The following NCOR2 variants were observed in gnomAD, a reference collection of about 807,000 sequenced individuals.
NCOR2 encodes nuclear receptor corepressor 2.
In NCOR2, 81 loss-of-function variants were observed where a neutral mutation model predicts 262.9. The ratio of observed to expected loss-of-function variants is 0.31; its 90% confidence interval spans 0.26 to 0.37. NCOR2 has a LOEUF of 0.37. NCOR2 is among the 10% of genes least tolerant of loss of function. NCOR2 has a pLI of 1.00. For missense variants in NCOR2, 3,385 were observed against 3,621.4 expected (o/e 0.93, Z 1.68); for synonymous variants, 1,659 against 1,559.3 (o/e 1.06, Z -1.51).
intron 16 of NCOR2, among the ~76,000 whole-genome samples, 199 bp from the exon 19 acceptor site, chr12:124,386,086 C>G (rs2040782873): frequency 6.6e-6 from 1 of 152,156 alleles, no homozygotes; most frequent in Admixed American, 6.5e-5. Flanking sequence ...GGTGGCAGTC[C>G]TGGCCTCTGG....
chr12:124,520,622 TGACTTAATGAA>T (rs2050131332), intron 1 of NCOR2, among the ~76,000 whole-genome samples: 1 of 152,088 alleles, frequency 6.6e-6, no homozygotes, highest in Admixed American at 6.5e-5. Context: ...GTTTGTTGAG[TGACTTAATGAA>T]GACCACAAAT....
chr12:124,352,967 C>T (rs1026090652), intron 27 of NCOR2, among the ~76,000 whole-genome samples: 1 of 152,240 alleles, frequency 6.6e-6, no homozygotes, highest in African/African-American at 2.4e-5. Flanking sequence ...ATGGCACCTA[C>T]TCAGTTAATA....
exon 17 of NCOR2, chr12:124,385,845 A>G (rs751520375): frequency 1.9e-6 from 3 of 1,613,678 alleles, no homozygotes; most frequent in Admixed American, 1.7e-5. Context: ...GGAGCCCACC[A>G]TCCGGGCGAT....
intron 12 of NCOR2, among the ~76,000 whole-genome samples, chr12:124,421,674 G>A (rs1224441835): frequency 6.6e-6 from 1 of 152,236 alleles, no homozygotes; most frequent in East Asian, 1.9e-4. Context: ...CCCCATCTCT[G>A]AGAAACGTGA....
At chr12:124,414,246 C>T (rs1228323500) in intron 13 of NCOR2, among the ~76,000 whole-genome samples, 1 of 152,200 alleles carries the variant, frequency 6.6e-6, no homozygotes, top group Non-Finnish European at 1.5e-5. Context: ...TCAGCAGGCT[C>T]CTTGGAAGCT....
At chr12:124,433,861 C>CACACACACACACACACACACACACAA in intron 8 of NCOR2, among the ~76,000 whole-genome samples, 3 of 58,568 alleles carry the variant, frequency 5.1e-5, no homozygotes, top group Non-Finnish European at 9.8e-5. Flanking sequence ...CACACACACA[C>CACACACACACACACACACACACACAA]ACACACACAC....
chr12:124,398,051 C>T, intron 16 of NCOR2, 68 bp downstream of exon 18: 2 of 1,582,182 alleles, frequency 1.3e-6, no homozygotes, highest in Non-Finnish European at 1.7e-6. Flanking sequence ...AACACCCTCC[C>T]CAGCACGTGA....
At chr12:124,335,587 C>A in exon 39 of NCOR2, 1 of 1,608,350 alleles carries the variant, frequency 6.2e-7, no homozygotes. Flanking sequence ...GCTCACAGGG[C>A]TGACGGGCTC....
intron 16 of NCOR2, among the ~76,000 whole-genome samples, chr12:124,387,584 C>T (rs1337358062): frequency 1.3e-5 from 2 of 152,208 alleles, no homozygotes; most frequent in African/African-American, 4.8e-5. Flanking sequence ...TGACAGGCCA[C>T]CTGTTCGCCT....
intron 1 of NCOR2, among the ~76,000 whole-genome samples, chr12:124,507,814 C>T (rs1420482583): frequency 1.3e-5 from 2 of 152,244 alleles, no homozygotes; most frequent in African/African-American, 2.4e-5. Context: ...GCCCAGACCC[C>T]GAGTGTGAAG....
At chr12:124,331,043 A>C (rs1593075315) in intron 43 of NCOR2, 145 bp from the exon 46 acceptor site, 2 of 708,578 alleles carry the variant, frequency 2.8e-6, no homozygotes, top group East Asian at 5.7e-5. Flanking sequence ...GGCCTGGGAC[A>C]GGGCCAAGCG....
Position 124,504,462 on chromosome 12 carries a change from A to G in NCOR2, c.-117-9094T>C, listed in dbSNP as rs1289907748. Among the ~76,000 whole-genome samples the G allele has an allele frequency of 1.3e-5, 2 of 152,202 alleles. No homozygotes were observed. The highest frequency in any genetic ancestry group is 2.4e-5 in the African/African-American group (1 of 41,452). ...GGTGGGAATGTCAGATGTGCAGTGCAGCCACTGTGGAAAACAGTCACTAGG... is the reference window on the plus strand; with the variant it reads ...GGTGGGAATGTCAGATGTGCAGTGCGGCCACTGTGGAAAACAGTCACTAGG... On this transcript the variant is annotated intron_variant, in intron 1 of 46. Transcript: ENST00000404621. This position sits in a 1 kb window ranked among gnomAD's most constrained non-coding sequence, Gnocchi z 4.5.
At chr12:124,510,522 G>C (rs2049338126) in intron 1 of NCOR2, among the ~76,000 whole-genome samples, 1 of 152,234 alleles carries the variant, frequency 6.6e-6, no homozygotes, top group African/African-American at 2.4e-5. Context: ...GGCACAGAGA[G>C]GCCGAGCAAC....
At chr12:124,346,681 C>G in exon 31 of NCOR2, 2 of 1,577,486 alleles carry the variant, frequency 1.3e-6, no homozygotes, top group East Asian at 2.3e-5. Flanking sequence ...CCGTGGCCAC[C>G]AGGCCCTCAT....
rs186735500 is a variant in NCOR2, at chr12:124,344,703, C to T, written c.4608G>A (p.Pro1536=). The change falls in exon 32 of 47, where the codon CCG becomes CCA. Residue 1536 remains proline, a synonymous_variant. Coordinates refer to ENST00000405201, the Ensembl canonical transcript of NCOR2. ...CCTCATAGGTCAGGGGGCTCTGCCG[C>T]GGCTTACCCAGCTCAGGCACAATGA... The T allele has an allele frequency of 5.2e-5, 80 of 1,532,438 alleles. No homozygotes were observed. In the African/African-American group the frequency reaches 6.7e-4, roughly 13 times the overall value. The allele number at this position is 1,532,438 out of a possible 1,614,324, so 94.9% of individuals were successfully genotyped here.
chr12:124,426,245 T>C (rs1455281149), intron 11 of NCOR2, among the ~76,000 whole-genome samples: 1 of 152,188 alleles, frequency 6.6e-6, no homozygotes, highest in Non-Finnish European at 1.5e-5. Flanking sequence ...TGAGGTTGTA[T>C]TGGGTTAGGC....
At chr12:124,388,883 AGG>A in intron 16 of NCOR2, 3 of 134,838 alleles carry the variant, frequency 2.2e-5, no homozygotes, top group South Asian at 8.4e-5. Flanking sequence ...GGAGGGAGGG[AGG>A]GAGGGAGGGA....
intron 7 of NCOR2, among the ~76,000 whole-genome samples, chr12:124,439,994 C>T (rs536597880): frequency 1.3e-5 from 2 of 152,070 alleles, no homozygotes; most frequent in East Asian, 1.9e-4. Context: ...ACCCCAGGAC[C>T]GTCCTCTTCT....
At chr12:124,342,653 C>A (rs1016955660) in intron 33 of NCOR2, among the ~76,000 whole-genome samples, 1 of 152,192 alleles carries the variant, frequency 6.6e-6, no homozygotes, top group African/African-American at 2.4e-5. Context: ...CAGGTGTGAG[C>A]CACCGTGCCC....
Sources: allele counts gnomAD v4.1 joint callset (sites outside exome capture counted in the v4.1 genomes callset), GRCh38; gene constraint gnomAD v4.1.1; non-coding constraint Gnocchi (gnomAD v3.1); transcripts MANE v1.5; gene names NCBI Gene and HGNC (gene_info 2026-07-23, HGNC 2026-07-21).